Variants in LRRC4C observed in about 807,000 individuals in gnomAD.
LRRC4C encodes leucine rich repeat containing 4C.
Under a neutral mutation model 33.6 loss-of-function variants are expected in LRRC4C, and 5 were observed. The ratio of observed to expected loss-of-function variants is 0.15; its 90% CI spans 0.08 to 0.31. The LOEUF (loss-of-function observed/expected upper bound fraction) is 0.31, where lower values mean the gene tolerates loss of function less well. LRRC4C is among the 10% of genes least tolerant of loss of function. The pLI is 1.00. For missense variants in LRRC4C, 560 were observed against 796.7 expected, an observed-to-expected ratio of 0.70 and a Z score of 3.58; for synonymous variants, 329 against 302.0, an observed-to-expected ratio of 1.09 and a Z score of -0.93.
intron 4 of LRRC4C, among the ~76,000 whole-genome samples, chr11:40,272,184 A>G (rs986885745): frequency 6.6e-6 from 1 of 152,200 alleles, no homozygotes; most frequent in Non-Finnish European, 1.5e-5. Flanking sequence ...TGAAATTTCC[A>G]TAAGAAAATA....
At chr11:40,593,526 CAG>C (rs765015623) in intron 3 of LRRC4C, among the ~76,000 whole-genome samples, 5 of 151,986 alleles carry the variant, frequency 3.3e-5, no homozygotes, top group African/African-American at 7.2e-5. Context: ...AAGAGAGAAA[CAG>C]AGAAAAGCAC....
chr11:40,465,988 TTCAC>T (rs1952632841), intron 3 of LRRC4C, among the ~76,000 whole-genome samples: 1 of 152,040 alleles, frequency 6.6e-6, no homozygotes. Context: ...TTCAGCACTA[TTCAC>T]AAGAGCAAAA....
chr11:40,976,842 A>T (rs1372024003), intron 1 of LRRC4C, among the ~76,000 whole-genome samples: 1 of 152,024 alleles, frequency 6.6e-6, no homozygotes, highest in Admixed American at 6.5e-5. Flanking sequence ...ATGGAAGGCA[A>T]TTTTTTTCCA....
chr11:41,010,265 AT>A (rs1855077586), intron 1 of LRRC4C, among the ~76,000 whole-genome samples: 2 of 152,246 alleles, frequency 1.3e-5, no homozygotes, highest in Admixed American at 6.5e-5. Context: ...TATCCAGTTG[AT>A]ACTTGTTAGT....
At chr11:40,599,149 C>A (rs909317862) in intron 3 of LRRC4C, among the ~76,000 whole-genome samples, 2 of 152,052 alleles carry the variant, frequency 1.3e-5, no homozygotes, top group African/African-American at 4.8e-5. Flanking sequence ...TCAAATGTCC[C>A]CTCAGAAGGG....
At chr11:41,006,642 C>A (rs1428475699) in intron 1 of LRRC4C, among the ~76,000 whole-genome samples, 1 of 151,626 alleles carries the variant, frequency 6.6e-6, no homozygotes, top group Admixed American at 6.6e-5. Context: ...GAAATATTGT[C>A]CCATGTAACA....
intron 1 of LRRC4C, among the ~76,000 whole-genome samples, chr11:41,064,661 C>G (rs1210642785): frequency 6.6e-6 from 1 of 152,156 alleles, no homozygotes; most frequent in African/African-American, 2.4e-5. Context: ...CAGCTCTGTT[C>G]TGCAGCTCCA....
chr11:40,739,437 T>C (rs1408657023), intron 2 of LRRC4C, among the ~76,000 whole-genome samples: 1 of 152,068 alleles, frequency 6.6e-6, no homozygotes, highest in Non-Finnish European at 1.5e-5. Context: ...TGTGTGTGTG[T>C]TTATTACCCT....
intron 4 of LRRC4C, among the ~76,000 whole-genome samples, chr11:40,311,229 G>A (rs1337513992): frequency 6.6e-6 from 1 of 152,120 alleles, no homozygotes; most frequent in Non-Finnish European, 1.5e-5. Flanking sequence ...TAGCATATGC[G>A]TATATGGGCA....
chr11:40,673,300 T>C (rs1413008155), intron 2 of LRRC4C, among the ~76,000 whole-genome samples: 1 of 152,146 alleles, frequency 6.6e-6, no homozygotes, highest in African/African-American at 2.4e-5. Context: ...TGCTTTTCTT[T>C]TCCAAGAATA....
chr11:40,990,812 A>G (rs761781204), intron 1 of LRRC4C, among the ~76,000 whole-genome samples: 1 of 152,184 alleles, frequency 6.6e-6, no homozygotes, highest in Non-Finnish European at 1.5e-5. Context: ...AAAAAATGTC[A>G]ATTTGATTAA....
chr11:40,197,465 A>G (rs1226135632), intron 5 of LRRC4C, among the ~76,000 whole-genome samples: 1 of 152,166 alleles, frequency 6.6e-6, no homozygotes, highest in Non-Finnish European at 1.5e-5. Flanking sequence ...GAAATGACCA[A>G]AGCTTCCACA....
intron 1 of LRRC4C, among the ~76,000 whole-genome samples, chr11:41,325,538 C>T: frequency 6.9e-6 from 1 of 144,982 alleles, no homozygotes; most frequent in East Asian, 2.0e-4. Flanking sequence ...CTATGTTTCA[C>T]TTATAAGGAA....
rs977682759 is a variant in LRRC4C, at chr11:40,232,836, C to G, written c.-96+8683G>C. ...CTAGTTTCATCACATCTTGCCTGGA[C>G]TACTGCAGACGCTTTCTGTTTTCTC... On this transcript the variant is annotated intron_variant, in intron 5 of 6. Coordinates refer to ENST00000528697, the MANE Select transcript of LRRC4C (RefSeq NM_001258419.2). Among the ~76,000 whole-genome samples, 6 of 152,190 alleles carry G rather than the reference C, an allele frequency of 3.9e-5. No homozygotes were observed. The East Asian group carries it at 9.6e-4, about 24-fold the overall frequency.
intron 3 of LRRC4C, among the ~76,000 whole-genome samples, chr11:40,521,481 T>C (rs2135230418): frequency 6.6e-6 from 1 of 152,310 alleles, no homozygotes; most frequent in South Asian, 2.1e-4. Context: ...ATTTGTCCAT[T>C]CATTCAAATA....
intron 5 of LRRC4C, among the ~76,000 whole-genome samples, chr11:40,187,742 C>CA (rs1861519382): frequency 6.6e-6 from 1 of 152,178 alleles, no homozygotes; most frequent in Non-Finnish European, 1.5e-5. Context: ...GTTCCTCCAT[C>CA]ACTAGGTTGG....
chr11:40,682,031 C>A (rs1212814915), intron 2 of LRRC4C, among the ~76,000 whole-genome samples: 2 of 152,016 alleles, frequency 1.3e-5, no homozygotes, highest in Non-Finnish European at 2.9e-5. Context: ...CAGGCTCTCA[C>A]AAATCTCCAC....
intron 2 of LRRC4C, among the ~76,000 whole-genome samples, chr11:40,757,855 C>T (rs1208782133): frequency 6.6e-6 from 1 of 152,004 alleles, no homozygotes; most frequent in Non-Finnish European, 1.5e-5. Flanking sequence ...CTGGGTGTTA[C>T]ATTCTAGGTC....
At chr11:41,188,442 G>A (rs192144014) in intron 1 of LRRC4C, among the ~76,000 whole-genome samples, 7 of 152,110 alleles carry the variant, frequency 4.6e-5, no homozygotes, top group African/African-American at 9.6e-5. Flanking sequence ...TGGAGCCTTC[G>A]GAGTTAGACT....
Sources: allele counts gnomAD v4.1 joint callset (sites outside exome capture counted in the v4.1 genomes callset), GRCh38; gene constraint gnomAD v4.1.1; transcripts MANE v1.5; gene names NCBI Gene and HGNC (gene_info 2026-07-23, HGNC 2026-07-21).